Variants in ACTR3C observed in about 807,000 individuals in gnomAD.
The protein encoded by ACTR3C is actin-related protein 3C.
In ACTR3C, 18 loss-of-function variants were observed where a neutral mutation model predicts 26.3. The observed-to-expected ratio is 0.68, with a 90% CI of 0.47 to 1.01. ACTR3C has a LOEUF of 1.01. ACTR3C is among the 50% of genes least tolerant of loss of function. The pLI is 0.00. For synonymous variants in ACTR3C, 55 were observed against 94.5 expected (o/e 0.58, Z 2.42); for missense variants, 184 against 250.7 (o/e 0.73, Z 1.80).
chr7:149,985,586 A>G, the ACTR3C span, among the ~76,000 whole-genome samples: 1 of 152,224 alleles, frequency 6.6e-6, no homozygotes, highest in Non-Finnish European at 1.5e-5. Context: ...GCACCACCCA[A>G]TCCAGCTTGT....
the ACTR3C span, among the ~76,000 whole-genome samples, chr7:150,216,079 C>T: frequency 1.3e-5 from 2 of 150,208 alleles, no homozygotes; most frequent in Middle Eastern, 3.4e-3. Flanking sequence ...ATACAAGTCA[C>T]CAAACATGGA....
chr7:150,236,466 G>T, the ACTR3C span, among the ~76,000 whole-genome samples: 6 of 152,168 alleles, frequency 3.9e-5, no homozygotes, highest in Non-Finnish European at 5.9e-5. Flanking sequence ...AGTAACTCTA[G>T]ATACACACTG....
intron 6 of ACTR3C, among the ~76,000 whole-genome samples, chr7:150,271,068 C>G (rs555354181): frequency 2.0e-4 from 29 of 147,586 alleles, no homozygotes; most frequent in African/African-American, 7.7e-4. Context: ...GAGGTGGAAC[C>G]CTGCCCTTGA....
Position 150,305,085 on chromosome 7 carries a change from TAACA to T in ACTR3C, c.-51-9742_-51-9739del, listed in dbSNP as rs555927561. The stretch of plus-strand genomic sequence containing the variant: ...GCAAAGTGCTGGACTGAGGGCAACC[TAACA>T]AACAATGTGTGCTTCCACACACCAT... On this transcript the variant is annotated intron_variant, in intron 1 of 7. Transcript: ENST00000683684. Among the ~76,000 whole-genome samples the T allele has an allele frequency of 2.5e-4, 38 of 152,192 alleles. No individual in the cohort carries two copies. In the East Asian group the frequency reaches 6.8e-3, roughly 27 times the overall value.
At chr7:150,171,396 GC>G in the ACTR3C span, among the ~76,000 whole-genome samples, 1 of 150,664 alleles carries the variant, frequency 6.6e-6, no homozygotes, top group Non-Finnish European at 1.5e-5. Flanking sequence ...AACAAAAAAT[GC>G]AATCAAAGAA....
At chr7:150,093,665 A>C in the ACTR3C span, among the ~76,000 whole-genome samples, 7 of 150,740 alleles carry the variant, frequency 4.6e-5, 1 homozygote, top group African/African-American at 1.7e-4. Flanking sequence ...GCCACCTTCT[A>C]AACAACCAGT....
chr7:150,029,396 TCAAAAA>T, the ACTR3C span, among the ~76,000 whole-genome samples: 4 of 43,780 alleles, frequency 9.1e-5, no homozygotes, highest in African/African-American at 4.6e-4. Context: ...TCAATCTTTA[TCAAAAA>T]CAAAAAAAAA....
At chr7:149,940,525 G>A in the ACTR3C span, among the ~76,000 whole-genome samples, 6 of 152,056 alleles carry the variant, frequency 3.9e-5, no homozygotes, top group African/African-American at 1.4e-4. Flanking sequence ...GTATATTAAT[G>A]TTTCCCTGGT....
At chr7:149,981,825 A>G in the ACTR3C span, among the ~76,000 whole-genome samples, 2 of 152,206 alleles carry the variant, frequency 1.3e-5, no homozygotes, top group Non-Finnish European at 2.9e-5. Context: ...AGAAGAAAAC[A>G]AGATGTGAAC....
the ACTR3C span, among the ~76,000 whole-genome samples, chr7:149,946,959 G>A: frequency 6.6e-5 from 10 of 150,732 alleles, no homozygotes; most frequent in African/African-American, 5.0e-5. Context: ...CCCCCAATGA[G>A]CTTGTGTGGG....
the ACTR3C span, among the ~76,000 whole-genome samples, chr7:149,959,888 G>T: frequency 6.6e-6 from 1 of 152,124 alleles, no homozygotes; most frequent in Non-Finnish European, 1.5e-5. Flanking sequence ...GTAAGACAGG[G>T]TGGTTCTCCC....
At chr7:150,206,489 C>T in the ACTR3C span, among the ~76,000 whole-genome samples, 2 of 152,116 alleles carry the variant, frequency 1.3e-5, no homozygotes, top group African/African-American at 4.8e-5. Context: ...TTTTGGCTCA[C>T]CGCAACCTCC....
chr7:150,110,867 G>C, the ACTR3C span, among the ~76,000 whole-genome samples: 2 of 96,886 alleles, frequency 2.1e-5, no homozygotes, highest in Non-Finnish European at 4.1e-5. Context: ...TTAGGGGTGG[G>C]GCTTGCTGGG....
At chr7:149,922,223 T>C in the ACTR3C span, among the ~76,000 whole-genome samples, 49,458 of 101,082 alleles carry the variant, frequency 0.49, 11,852 homozygotes, top group African/African-American at 0.52. Context: ...TTGTTCTGGG[T>C]GTATATCTAA....
chr7:150,033,790 AG>A, the ACTR3C span, among the ~76,000 whole-genome samples: 1 of 147,508 alleles, frequency 6.8e-6, no homozygotes, highest in Non-Finnish European at 1.5e-5. Flanking sequence ...GGGGGTCCTC[AG>A]AGCCAGGGGG....
At chr7:149,899,980 CACA>C in the ACTR3C span, among the ~76,000 whole-genome samples, 9 of 146,944 alleles carry the variant, frequency 6.1e-5, no homozygotes, top group African/African-American at 1.8e-4. Flanking sequence ...AAAAAGGTAC[CACA>C]ACATTTTTGT....
chr7:149,999,417 G>A, the ACTR3C span, among the ~76,000 whole-genome samples: 1 of 150,800 alleles, frequency 6.6e-6, no homozygotes, highest in East Asian at 2.1e-4. Context: ...CGGCGGGAGA[G>A]TGGAGGTGTG....
At chr7:149,909,344 A>G in the ACTR3C span, among the ~76,000 whole-genome samples, 5 of 143,668 alleles carry the variant, frequency 3.5e-5, no homozygotes, top group Admixed American at 2.8e-4. Flanking sequence ...TACTAAGCTA[A>G]CAGACTGTAT....
At chr7:149,908,246 A>G in the ACTR3C span, among the ~76,000 whole-genome samples, 1 of 152,218 alleles carries the variant, frequency 6.6e-6, no homozygotes, top group Non-Finnish European at 1.5e-5. Context: ...CCTCCAGACT[A>G]TGATAACATT....
Sources: gnomAD v4.1 joint callset for allele counts (sites outside exome capture counted in the v4.1 genomes callset) on GRCh38, gnomAD v4.1.1 for gene constraint, MANE v1.5 for transcripts, NCBI Gene and HGNC (gene_info 2026-07-23, HGNC 2026-07-21) for gene names.